Variants in SHISAL1 observed in about 807,000 individuals in gnomAD.
The protein encoded by SHISAL1 is protein shisa-like-1.
Under a neutral mutation model 22.6 loss-of-function variants are expected in SHISAL1, and 9 were observed. The ratio of observed to expected loss-of-function variants is 0.40; its 90% CI spans 0.24 to 0.70. The LOEUF is 0.70. SHISAL1 is among the 30% of genes least tolerant of loss of function. The pLI is 0.39. For synonymous variants in SHISAL1, 119 were observed against 115.4 expected (o/e 1.03, Z -0.20); for missense variants, 246 against 270.6 (o/e 0.91, Z 0.64).
At chr22:44,324,178 T>G in the SHISAL1 span, among the ~76,000 whole-genome samples, 2 of 152,186 alleles carry the variant, frequency 1.3e-5, no homozygotes, top group South Asian at 4.1e-4. Context: ...CAGGTTATTA[T>G]CATCATTATT....
chr22:44,295,765 T>C (rs895880941), intron 3 of SHISAL1, among the ~76,000 whole-genome samples: 1 of 152,062 alleles, frequency 6.6e-6, no homozygotes, highest in Non-Finnish European at 1.5e-5. Flanking sequence ...GTAAAAGAAA[T>C]ACAAATGTCT....
At chr22:44,314,177 T>G (rs1030353198), upstream of SHISAL1, among the ~76,000 whole-genome samples, 2 of 85,760 alleles carry the variant, frequency 2.3e-5, no homozygotes, top group African/African-American at 9.1e-5. Flanking sequence ...TGTGGACACC[T>G]GAAGGATGAG....
chr22:44,254,156 C>G (rs1041673422), intron 4 of SHISAL1, among the ~76,000 whole-genome samples: 1 of 151,836 alleles, frequency 6.6e-6, no homozygotes, highest in Non-Finnish European at 1.5e-5. Flanking sequence ...CGAGCCAATG[C>G]TAAGAGGAAC....
intron 3 of SHISAL1, among the ~76,000 whole-genome samples, chr22:44,293,234 G>C (rs73888978): frequency 6.6e-6 from 1 of 152,212 alleles, no homozygotes; most frequent in African/African-American, 2.4e-5. Context: ...TGGGGGAGGA[G>C]AAGGAGCTGC....
In SHISAL1 at chr22:44,285,490, C is replaced by T. The variant is rs908173205; in HGVS notation, c.537G>A (p.Val179=). 6.2e-7 allele frequency: 1 copy of T among 1,614,026 alleles called. No individual in the cohort carries two copies. The highest frequency in any genetic ancestry group is 8.5e-7 in the Non-Finnish European group (1 of 1,179,912). Residue 179 remains valine, a synonymous_variant, in exon 4 of 5, where the codon GTG becomes GTA. Coordinates refer to ENST00000381176, the MANE Select transcript of SHISAL1 (RefSeq NM_001099294.2). The part of the protein sequence containing the change: ...PGPLPQAPQA[V]HTLRGDAHSP... ...TGTGAGCATCTCCCCGCAATGTGTG[C>T]ACGGCCTGTGGGGCTTGTGGCAGCG... is the stretch of plus-strand genomic sequence containing the variant.
At position 44,312,496 on chromosome 22, in the gene SHISAL1, TAGCACC is replaced by T. The variant is rs555001475; in HGVS notation, c.-33+249_-33+254del. Among the ~76,000 whole-genome samples the T allele has an allele frequency of 2.9e-3, 446 of 152,278 alleles. 3 individuals carry two copies. Among genetic ancestry groups the T allele is most frequent in the African/African-American group, 9.7e-3 (404 of 41,552 alleles). On this transcript the variant is annotated intron_variant, in intron 1 of 4. Transcript: ENST00000381176. ...TCAAGGTCACACAGCAGGTAGGTAG[TAGCACC>T]AGCATCTGTGCACCCCCACAGGGCT...
chr22:44,267,743 G>A (rs1055847964), intron 4 of SHISAL1, among the ~76,000 whole-genome samples: 3 of 152,240 alleles, frequency 2.0e-5, no homozygotes, highest in African/African-American at 7.2e-5. Flanking sequence ...ATGTGCAGCT[G>A]TCTCTGCCTC....
chr22:44,268,827 C>G (rs918450194), intron 4 of SHISAL1, among the ~76,000 whole-genome samples: 12 of 152,108 alleles, frequency 7.9e-5, no homozygotes, highest in African/African-American at 2.9e-4. Context: ...ACTCTGTATC[C>G]CCAGTCCTGG....
chr22:44,304,019 A>G (rs2055452601), intron 1 of SHISAL1, among the ~76,000 whole-genome samples: 2 of 152,220 alleles, frequency 1.3e-5, no homozygotes, highest in African/African-American at 2.4e-5. Context: ...TTCTGAAAGA[A>G]GAGATGGTGG....
the SHISAL1 span, among the ~76,000 whole-genome samples, chr22:44,323,984 G>A: frequency 4.6e-5 from 7 of 152,334 alleles, no homozygotes; most frequent in African/African-American, 1.7e-4. Flanking sequence ...ATTTTTAGAT[G>A]AGGAAACAGG....
intron 4 of SHISAL1, among the ~76,000 whole-genome samples, chr22:44,251,646 G>A (rs559644274): frequency 3.9e-5 from 6 of 152,344 alleles, no homozygotes; most frequent in African/African-American, 9.6e-5. Context: ...TATGTGGATG[G>A]TGGCAGGCAA....
intron 2 of SHISAL1, among the ~76,000 whole-genome samples, chr22:44,298,897 C>T (rs993048295): frequency 6.6e-6 from 1 of 152,232 alleles, no homozygotes; most frequent in Non-Finnish European, 1.5e-5. Context: ...ACGATGAAGC[C>T]TCCCCGGCTG....
intron 4 of SHISAL1, among the ~76,000 whole-genome samples, chr22:44,276,615 G>A (rs1209315884): frequency 1.3e-5 from 2 of 152,040 alleles, no homozygotes; most frequent in East Asian, 3.9e-4. Flanking sequence ...CATGGAACAC[G>A]TGAAGCAGGA....
chr22:44,328,891 C>T, the SHISAL1 span, among the ~76,000 whole-genome samples: 7 of 152,136 alleles, frequency 4.6e-5, no homozygotes, highest in Admixed American at 6.5e-5. Flanking sequence ...CTCCCAGACC[C>T]GCAGGTCCAG....
chr22:44,314,204 G>A (rs2055542750), upstream of SHISAL1, among the ~76,000 whole-genome samples: 1 of 150,926 alleles, frequency 6.6e-6, no homozygotes, highest in Non-Finnish European at 1.5e-5. Flanking sequence ...GGTGGGGCGG[G>A]GGTGGGGGTG....
At chr22:44,257,319 GC>G (rs2055091365) in intron 4 of SHISAL1, among the ~76,000 whole-genome samples, 1 of 152,212 alleles carries the variant, frequency 6.6e-6, no homozygotes, top group South Asian at 2.1e-4. Context: ...TCAGCAGGAT[GC>G]CAGGTCAAAA....
chr22:44,324,619 G>A, the SHISAL1 span, among the ~76,000 whole-genome samples: 3 of 152,344 alleles, frequency 2.0e-5, no homozygotes, highest in Non-Finnish European at 2.9e-5. Context: ...CCATTTTGCA[G>A]GTAAGGAAAC....
chr22:44,264,309 A>G (rs1227194309), intron 4 of SHISAL1, among the ~76,000 whole-genome samples: 1 of 152,244 alleles, frequency 6.6e-6, no homozygotes, highest in Non-Finnish European at 1.5e-5. Context: ...GAGGAGCTGA[A>G]GAGAGACCCG....
intron 2 of SHISAL1, among the ~76,000 whole-genome samples, chr22:44,298,329 C>T (rs1354958470): frequency 1.3e-5 from 2 of 152,258 alleles, no homozygotes; most frequent in African/African-American, 4.8e-5. Flanking sequence ...AGTGTGGCCC[C>T]TGATCGGCCT....
Sources: allele counts gnomAD v4.1 joint callset (sites outside exome capture counted in the v4.1 genomes callset), GRCh38; gene constraint gnomAD v4.1.1; transcripts MANE v1.5; gene names NCBI Gene and HGNC (gene_info 2026-07-23, HGNC 2026-07-21).